The following SLCO3A1 variants were observed in gnomAD, a reference collection of about 807,000 sequenced individuals.
SLCO3A1 encodes the protein PGE1 transporter.
A neutral mutation model predicts 63.1 loss-of-function variants in SLCO3A1; 27 were observed. The observed-to-expected ratio is 0.43, with a 90% CI of 0.32 to 0.59. The LOEUF (loss-of-function observed/expected upper bound fraction) is 0.59. Ranked by LOEUF, SLCO3A1 falls within the 20% of genes least tolerant of loss-of-function variation. The probability of loss-of-function intolerance (pLI) is 0.09; values close to 1 mark genes in which losing one functional copy is unlikely to be tolerated. For synonymous variants in SLCO3A1, 473 were observed against 409.9 expected (o/e 1.15, Z -1.86); for missense variants, 773 against 945.8 (o/e 0.82, Z 2.40).
At chr15:92,016,262 A>ATAGAT (rs1555424454) in intron 2 of SLCO3A1, among the ~76,000 whole-genome samples, 43 of 112,778 alleles carry the variant, frequency 3.8e-4, no homozygotes, top group African/African-American at 6.0e-4. Context: ...GATTAGATAG[A>ATAGAT]TAGATAGATA....
In SLCO3A1 at chr15:91,904,153, A is replaced by T. The variant is rs759309994; in HGVS notation, c.181-11840A>T. On this transcript the variant is annotated intron_variant, in intron 1 of 9. Transcript: ENST00000318445. ...TGAAGAGGGTCCCACGTTTAGCTTCAGCAGGAAGAGGCACTGCTGTTATAT... is the reference window on the plus strand; with the variant it reads ...TGAAGAGGGTCCCACGTTTAGCTTCTGCAGGAAGAGGCACTGCTGTTATAT... Among the ~76,000 whole-genome samples, 133 of 152,174 alleles carry T rather than the reference A, an allele frequency of 8.7e-4. 1 individual carries two copies. The highest frequency in any genetic ancestry group is 1.6e-3 in the Non-Finnish European group (111 of 68,034).
chr15:92,065,916 G>T (rs1353111832), intron 2 of SLCO3A1, among the ~76,000 whole-genome samples: 1 of 152,222 alleles, frequency 6.6e-6, no homozygotes, highest in Non-Finnish European at 1.5e-5. Flanking sequence ...GGTTTCCTGA[G>T]CCTGTTAGGA....
intron 9 of SLCO3A1, chr15:92,153,617 C>G (rs140523331): frequency 6.6e-6 from 1 of 152,220 alleles, no homozygotes; most frequent in Non-Finnish European, 1.5e-5. Flanking sequence ...ATGGGGACAT[C>G]ACAGGTTAGT....
intron 2 of SLCO3A1, among the ~76,000 whole-genome samples, chr15:92,071,189 G>A (rs907029113): frequency 6.6e-5 from 10 of 152,156 alleles, no homozygotes; most frequent in Admixed American, 2.6e-4. Context: ...ATACCCTCCT[G>A]GGGGCACGTG....
At chr15:92,003,232 C>T (rs1391865937) in intron 2 of SLCO3A1, among the ~76,000 whole-genome samples, 1 of 152,160 alleles carries the variant, frequency 6.6e-6, no homozygotes, top group Non-Finnish European at 1.5e-5. Context: ...GCATAGTATA[C>T]GTGCTGTGTA....
At chr15:91,927,532 G>C (rs141625073) in intron 2 of SLCO3A1, among the ~76,000 whole-genome samples, 1 of 152,278 alleles carries the variant, frequency 6.6e-6, no homozygotes, top group East Asian at 1.9e-4. Flanking sequence ...TGGTGCATTT[G>C]AGAAACCCTC....
At chr15:91,908,600 CA>C (rs1158586918) in intron 1 of SLCO3A1, 1 of 152,074 alleles carries the variant, frequency 6.6e-6, no homozygotes, top group African/African-American at 2.4e-5. Flanking sequence ...AGATGAGAAA[CA>C]AAACCTCACA....
chr15:91,927,993 A>G (rs1346020375), intron 2 of SLCO3A1, among the ~76,000 whole-genome samples: 1 of 152,264 alleles, frequency 6.6e-6, no homozygotes, highest in African/African-American at 2.4e-5. Flanking sequence ...TATTGATTGA[A>G]GAACATGTTA....
Position 92,163,180 on chromosome 15 carries a change from T to C in SLCO3A1, c.*45T>C, listed in dbSNP as rs757698715. 2.2e-5 allele frequency: 31 copies of C among 1,413,988 alleles called. No individual in the cohort carries two copies. The highest frequency in any genetic ancestry group is 2.7e-5 in the Non-Finnish European group (29 of 1,086,322). 87.6% of individuals were successfully genotyped at this position (1,413,988 alleles called of 1,614,324 possible). A position where few individuals can be genotyped will look rare whatever the true frequency, so the allele number is the denominator to read the frequency against. On this transcript the variant is annotated 3_prime_UTR_variant, in exon 10 of 10. Coordinates refer to ENST00000318445, the MANE Select transcript of SLCO3A1 (RefSeq NM_013272.4). The stretch of plus-strand genomic sequence containing the variant: ...CTCTGTATTAGTAATCCAAGGGTCA[T>C]TTTTTTCTTAAAAAAAGAAAAAAAG...
chr15:92,107,062 G>A (rs576488258), intron 4 of SLCO3A1, among the ~76,000 whole-genome samples: 1 of 152,340 alleles, frequency 6.6e-6, no homozygotes, highest in Admixed American at 6.5e-5. Context: ...GACAAGGTAA[G>A]CAAGCACTGG....
rs1300285447 is a variant in SLCO3A1, at chr15:92,162,772, C to G, written c.1770C>G (p.Pro590=). 1.2e-6 allele frequency: 2 copies of G among 1,613,444 alleles called. No individual in the cohort carries two copies. The highest frequency in any genetic ancestry group is 2.2e-5 in the East Asian group (1 of 44,870). The change falls in exon 10 of 10, where the codon CCC becomes CCG. Residue 590 remains proline, a synonymous_variant. Coordinates refer to ENST00000318445, the MANE Select transcript of SLCO3A1 (RefSeq NM_013272.4). The part of the protein sequence containing the change: ...LLRLLGFIPP[P]LIFGAGIDST... ...CGGTAACAGGCTTCATCCCTCCACC[C>G]CTCATCTTCGGGGCTGGCATCGACT...
chr15:92,141,607 CT>C (rs1276725130), intron 7 of SLCO3A1, among the ~76,000 whole-genome samples: 1 of 152,180 alleles, frequency 6.6e-6, no homozygotes, highest in Admixed American at 6.5e-5. Flanking sequence ...TTACTGCCAG[CT>C]GAAGGGGTAT....
chr15:91,927,948 C>A (rs563345544), intron 2 of SLCO3A1, among the ~76,000 whole-genome samples: 1 of 152,282 alleles, frequency 6.6e-6, no homozygotes, highest in East Asian at 1.9e-4. Flanking sequence ...TATCATGGGG[C>A]AAAGAGCCTT....
At chr15:91,874,872 T>G (rs1897362924) in intron 1 of SLCO3A1, among the ~76,000 whole-genome samples, 1 of 152,240 alleles carries the variant, frequency 6.6e-6, no homozygotes, top group African/African-American at 2.4e-5. Flanking sequence ...CTTTTCTCTG[T>G]ATTTCCTGTG....
chr15:92,148,361 C>G (rs1220520005), intron 8 of SLCO3A1, among the ~76,000 whole-genome samples: 1 of 152,218 alleles, frequency 6.6e-6, no homozygotes, highest in African/African-American at 2.4e-5. Flanking sequence ...CAGCTTCTCT[C>G]TCACTTTGCC....
intron 2 of SLCO3A1, among the ~76,000 whole-genome samples, chr15:91,983,890 G>A (rs1440919322): frequency 6.6e-6 from 1 of 152,180 alleles, no homozygotes; most frequent in Non-Finnish European, 1.5e-5. Context: ...TTGCTCTGAT[G>A]TTGATCTAGA....
intron 1 of SLCO3A1, among the ~76,000 whole-genome samples, chr15:91,890,878 G>A (rs1394055567): frequency 1.3e-5 from 2 of 152,192 alleles, no homozygotes; most frequent in East Asian, 3.9e-4. Flanking sequence ...CAGAAGAAAG[G>A]TAGACATTGC....
At chr15:92,169,364 G>A (rs369619010), downstream of SLCO3A1, among the ~76,000 whole-genome samples, 169 of 152,190 alleles carry the variant, frequency 1.1e-3, no homozygotes, top group South Asian at 3.7e-3. Context: ...GGTAAGACAC[G>A]AGGGACCTCC....
rs74392859 is a variant in SLCO3A1 at position 91,897,938 on chromosome 15, G to A, written c.181-18055G>A. ...GAAGGAATCGCTGCTCTACACACAC[G>A]GGGTTTTTAAATTAGAAAGATATCA... On this transcript the variant is annotated intron_variant, in intron 1 of 9. Coordinates refer to ENST00000318445, the MANE Select transcript of SLCO3A1 (RefSeq NM_013272.4). The surrounding 1 kb of genome is among the most constrained non-coding windows in gnomAD (Gnocchi z 4.7). Among the ~76,000 whole-genome samples the A allele has an allele frequency of 5.9e-5, 9 of 152,314 alleles. No homozygotes were observed. In the East Asian group the frequency reaches 1.5e-3, roughly 26 times the overall value.
Sources: allele counts gnomAD v4.1 joint callset (sites outside exome capture counted in the v4.1 genomes callset), GRCh38; gene constraint gnomAD v4.1.1; non-coding constraint Gnocchi (gnomAD v3.1); transcripts MANE v1.5; gene names NCBI Gene and HGNC (gene_info 2026-07-23, HGNC 2026-07-21).